Variants in CYLC2 observed in about 807,000 individuals in gnomAD.
CYLC2 encodes cylicin-2.
Under a neutral mutation model 26.1 loss-of-function variants are expected in CYLC2, and 30 were observed. The ratio of observed to expected loss-of-function variants is 1.15; its 90% CI spans 0.86 to 1.56. The LOEUF is 1.56. CYLC2 is among the 40% of genes most tolerant of loss of function. CYLC2 has a pLI of 0.00. For missense variants in CYLC2, 498 were observed against 394.4 expected, an observed-to-expected ratio of 1.26 and a Z score of -2.23; for synonymous variants, 158 against 132.8, an observed-to-expected ratio of 1.19 and a Z score of -1.31.
In CYLC2 at chr9:103,005,163, T is replaced by C; in HGVS notation, c.532T>C (p.Ser178Pro). Residue 178 changes from serine (S) to proline (P), a missense_variant, in exon 5 of 8, where the codon TCT (serine) becomes CCT (proline). Physicochemically the swap from Ser to Pro is moderately conservative, Grantham distance 74. Transcript: ENST00000374798. ...GAAGGGCAAAGACTCAGCAACAGAA[T>C]CTGAAGATGAAAAAGGAGGTGCAAA... ...AEKGKDSATE[S>P]EDEKGGAKKD... is the part of the protein sequence containing the mutation. The C allele has an allele frequency of 6.2e-7, 1 of 1,604,446 alleles. No individual in the cohort carries two copies. The highest frequency in any genetic ancestry group is 8.5e-7 in the Non-Finnish European group (1 of 1,177,538).
chr9:103,016,115 T>C (rs1407037680), intron 6 of CYLC2, among the ~76,000 whole-genome samples: 1 of 151,800 alleles, frequency 6.6e-6, no homozygotes, highest in Non-Finnish European at 1.5e-5. Context: ...ATATACACAT[T>C]TATGTCTCAG....
chr9:103,008,495 C>T (rs919613758), intron 5 of CYLC2, among the ~76,000 whole-genome samples: 16 of 151,944 alleles, frequency 1.1e-4, no homozygotes, highest in African/African-American at 3.9e-4. Flanking sequence ...CTTACTTAAG[C>T]ACCTAGTTGA....
chr9:103,014,958 C>A lies in CYLC2; in HGVS notation c.*817-1930C>A, dbSNP rs1829480158. Among the ~76,000 whole-genome samples, 5 of 125,270 alleles carry A rather than the reference C, an allele frequency of 4.0e-5. No individual in the cohort carries two copies. In the South Asian group the frequency reaches 1.2e-3, roughly 31 times the overall value. 82.2% of individuals were successfully genotyped at this position (125,270 alleles called of 152,430 possible). ...TAGTATACATAATACATGTAATATACATATTCATATTATGTAGTATACATA... is the reference window on the plus strand; with the variant it reads ...TAGTATACATAATACATGTAATATAAATATTCATATTATGTAGTATACATA... On this transcript the variant is annotated intron_variant, in intron 6 of 7. Coordinates refer to ENST00000374798, the MANE Select transcript of CYLC2 (RefSeq NM_001340.5).
chr9:103,005,041 G>GA lies in CYLC2; in HGVS notation c.417dup (p.Asp140ArgfsTer22), dbSNP rs761873747. On this transcript the variant is annotated frameshift_variant, in exon 5 of 8. Transcript: ENST00000374798. LOFTEE classifies it high-confidence loss of function. Reference sequence around the variant, plus strand: ...GATTCGGAATCAGAATTAAAACAAGGAAAAAAAGATTCAAAGAAAGGCAAG... The same window carrying GA: ...GATTCGGAATCAGAATTAAAACAAGGAAAAAAAAGATTCAAAGAAAGGCAAG... The GA allele has an allele frequency of 1.3e-6, 2 of 1,597,644 alleles. No individual in the cohort carries two copies. The highest frequency in any genetic ancestry group is 1.4e-5 in the African/African-American group (1 of 73,158).
chr9:103,001,289 CAATACAT>C (rs1829285804), intron 1 of CYLC2, among the ~76,000 whole-genome samples: 1 of 150,732 alleles, frequency 6.6e-6, no homozygotes, highest in Non-Finnish European at 1.5e-5. Flanking sequence ...TATACACACA[CAATACAT>C]ATAAACAAAT....
chr9:103,004,406 T>C lies in CYLC2; in HGVS notation c.181-289T>C, dbSNP rs150553711. 4.9e-3 allele frequency among the ~76,000 whole-genome samples: 747 copies of C among 152,138 alleles called. 5 individuals carry two copies. The highest frequency in any genetic ancestry group is 0.015 in the South Asian group (72 of 4,822). On this transcript the variant is annotated intron_variant, in intron 3 of 7. Transcript: ENST00000374798. ...AACATACAGTTTAAAAAGCCTCCTATGATTGTGAAGATATGCCATGAGTCT... is the reference window on the plus strand; with the variant it reads ...AACATACAGTTTAAAAAGCCTCCTACGATTGTGAAGATATGCCATGAGTCT...
chr9:103,011,553 C>T (rs375935870), intron 5 of CYLC2, among the ~76,000 whole-genome samples: 19 of 151,826 alleles, frequency 1.3e-4, no homozygotes, highest in Non-Finnish European at 2.4e-4. Flanking sequence ...TGAAGCTAAC[C>T]GATTTTGAAA....
intron 7 of CYLC2, among the ~76,000 whole-genome samples, chr9:103,017,321 C>A (rs1374915296): frequency 6.6e-6 from 1 of 151,928 alleles, no homozygotes; most frequent in African/African-American, 2.4e-5. Flanking sequence ...TAAAGTTCAT[C>A]ATAGTTTAAA....
In CYLC2 at chr9:103,014,528, ATATACATCATATGTATATTATGCAG is replaced by A. The variant is rs1434991204; in HGVS notation, c.*817-2253_*817-2229del. On this transcript the variant is annotated intron_variant, in intron 6 of 7. Transcript: ENST00000374798. ...ATATGTAATATACATAATATATGCAATATACATCATATGTATATTATGCAGTATACATCATATGTATATTATGCAG... is the reference window on the plus strand; with the variant it reads ...ATATGTAATATACATAATATATGCAATATACATCATATGTATATTATGCAG... 4.8e-3 allele frequency among the ~76,000 whole-genome samples: 649 copies of A among 135,286 alleles called. 1 individual carries two copies. Among genetic ancestry groups the A allele is most frequent in the African/African-American group, 0.015 (529 of 35,424 alleles). The allele number at this position is 135,286 out of a possible 152,430, so 88.8% of individuals were successfully genotyped here. A position where few individuals can be genotyped will look rare whatever the true frequency, so the allele number is the denominator to read the frequency against.
At position 103,009,951 on chromosome 9, in the gene CYLC2, CAT is replaced by C. The variant is rs539534357; in HGVS notation, c.*701-2026_*701-2025del. Reference sequence around the variant, plus strand: ...CACATATATGTATTATACACACATACATATATGTGTACACATTGAATTTATTA... The same window carrying C: ...CACATATATGTATTATACACACATACATATGTGTACACATTGAATTTATTA... On this transcript the variant is annotated intron_variant, in intron 5 of 7. Transcript: ENST00000374798. Among the ~76,000 whole-genome samples, 353 of 143,712 alleles carry C rather than the reference CAT, an allele frequency of 2.5e-3. 1 individual carries two copies. Among genetic ancestry groups the C allele is most frequent in the African/African-American group, 9.2e-3 (336 of 36,392 alleles). 94.3% of individuals were successfully genotyped at this position (143,712 alleles called of 152,430 possible).
chr9:103,003,639 T>A (rs1829310627), intron 3 of CYLC2, among the ~76,000 whole-genome samples: 1 of 152,188 alleles, frequency 6.6e-6, no homozygotes, highest in Non-Finnish European at 1.5e-5. Flanking sequence ...TTTATTTGCA[T>A]TTTACTGTAT....
intron 1 of CYLC2, 133 bp downstream of exon 1, chr9:102,995,530 C>T (rs1005323028): frequency 6.1e-5 from 40 of 656,064 alleles, no homozygotes; most frequent in Non-Finnish European, 1.0e-4. Flanking sequence ...TTTAAGCAGA[C>T]AAAGATTCTC....
intron 1 of CYLC2, among the ~76,000 whole-genome samples, chr9:103,000,800 T>C (rs774248682): frequency 8.0e-4 from 122 of 152,178 alleles, no homozygotes; most frequent in Middle Eastern, 6.8e-3. Context: ...GATGGCTCTA[T>C]ATCCAAAATA....
intron 1 of CYLC2, among the ~76,000 whole-genome samples, chr9:102,999,659 C>T (rs549704064): frequency 3.2e-4 from 49 of 151,316 alleles, no homozygotes; most frequent in African/African-American, 1.1e-3. Flanking sequence ...CTGGTTTTCT[C>T]TGACTTTTTA....
Position 103,003,179 on chromosome 9 carries a change from CTT to C in CYLC2, c.98_99del (p.Phe33CysfsTer30). 6.2e-7 allele frequency: 1 copy of C among 1,613,730 alleles called. No homozygotes were observed. Among genetic ancestry groups the C allele is most frequent in the Non-Finnish European group, 8.5e-7 (1 of 1,179,736 alleles). On this transcript the variant is annotated frameshift_variant, in exon 3 of 8. Coordinates refer to ENST00000374798, the MANE Select transcript of CYLC2 (RefSeq NM_001340.5). LOFTEE classifies it high-confidence loss of function. ...LSKKSWNQQH[F>X]ALLFPKPQRP... is the part of the protein sequence containing the mutation. ...GCAAAAAATCATGGAATCAGCAACACTTTGCCCTGTTATTTCCCAAACCACAA... is the reference window on the plus strand; with the variant it reads ...GCAAAAAATCATGGAATCAGCAACACTGCCCTGTTATTTCCCAAACCACAA...
intron 6 of CYLC2, among the ~76,000 whole-genome samples, chr9:103,013,215 A>C (rs1445305324): frequency 2.2e-5 from 1 of 46,278 alleles, no homozygotes; most frequent in Non-Finnish European, 4.2e-5. Context: ...GTTATATATT[A>C]ATATGTATAT....
Position 103,005,804 on chromosome 9 carries a change from G to C in CYLC2, c.*126G>C. 9.3e-7 allele frequency: 1 copy of C among 1,078,544 alleles called. No homozygotes were observed. The highest frequency in any genetic ancestry group is 2.3e-5 in the Admixed American group (1 of 42,696). 66.8% of individuals were successfully genotyped at this position (1,078,544 alleles called of 1,614,324 possible). ...CAAAGAATTAAATAATTTTTAAAAG[G>C]TGGTAAAGAAGGATACAAAGGAGAA... On this transcript the variant is annotated 3_prime_UTR_variant, in exon 5 of 8. Transcript: ENST00000374798.
At chr9:103,014,290 A>C (rs1184783800) in intron 6 of CYLC2, among the ~76,000 whole-genome samples, 3 of 132,794 alleles carry the variant, frequency 2.3e-5, no homozygotes, top group African/African-American at 8.4e-5. Context: ...CATAGTATAC[A>C]TAATATTACA....
intron 5 of CYLC2, among the ~76,000 whole-genome samples, chr9:103,009,292 C>T: frequency 6.6e-6 from 1 of 152,114 alleles, no homozygotes; most frequent in East Asian, 1.9e-4. Flanking sequence ...GCAGCCTCAA[C>T]CTCCCCAGGC....
Sources: gnomAD v4.1 joint callset for allele counts (sites outside exome capture counted in the v4.1 genomes callset) on GRCh38, gnomAD v4.1.1 for gene constraint, MANE v1.5 for transcripts, NCBI Gene and HGNC (gene_info 2026-07-23, HGNC 2026-07-21) for gene names.